The following TMEM132B variants were observed in gnomAD, a reference collection of about 807,000 sequenced individuals.
The protein encoded by TMEM132B is transmembrane protein 132B.
A neutral mutation model predicts 90.8 loss-of-function variants in TMEM132B; 18 were observed. The ratio of observed to expected loss-of-function variants is 0.20; its 90% CI spans 0.14 to 0.29. The LOEUF is 0.29. Ranked by LOEUF, TMEM132B falls within the 10% of genes least tolerant of loss-of-function variation. The pLI is 1.00. For synonymous variants in TMEM132B, 504 were observed against 523.3 expected, an observed-to-expected ratio of 0.96 and a Z score of 0.50; for missense variants, 1,096 against 1,326.8, an observed-to-expected ratio of 0.83 and a Z score of 2.70.
At chr12:125,252,067 A>G (rs896062378) in intron 1 of TMEM132B, among the ~76,000 whole-genome samples, 1 of 152,200 alleles carries the variant, frequency 6.6e-6, no homozygotes, top group South Asian at 2.1e-4. Context: ...TCTAGTATAC[A>G]CTGACACTGG....
intron 4 of TMEM132B, among the ~76,000 whole-genome samples, chr12:125,576,907 T>A (rs922133293): frequency 3.3e-5 from 5 of 151,672 alleles, no homozygotes; most frequent in African/African-American, 1.2e-4. Context: ...GGGGGTGGGG[T>A]TGGCATCTAT....
At chr12:125,581,879 T>C (rs139962511) in intron 4 of TMEM132B, among the ~76,000 whole-genome samples, 196 of 152,292 alleles carry the variant, frequency 1.3e-3, no homozygotes, top group Non-Finnish European at 2.4e-3. Flanking sequence ...CAGTCCTATG[T>C]GCTTTAATAT....
At chr12:125,399,549 A>T (rs1879257098) in intron 2 of TMEM132B, among the ~76,000 whole-genome samples, 1 of 149,412 alleles carries the variant, frequency 6.7e-6, no homozygotes. Flanking sequence ...AGAGGCATGG[A>T]ATGGATTATC....
chr12:125,262,812 A>T (rs1874598875), intron 1 of TMEM132B, among the ~76,000 whole-genome samples: 1 of 152,150 alleles, frequency 6.6e-6, no homozygotes, highest in African/African-American at 2.4e-5. Flanking sequence ...GCCTCTGTTC[A>T]TTTACTGTTG....
At chr12:125,370,208 T>C (rs1293046871) in intron 2 of TMEM132B, among the ~76,000 whole-genome samples, 2 of 152,204 alleles carry the variant, frequency 1.3e-5, no homozygotes, top group Non-Finnish European at 2.9e-5. Context: ...CAGGCATCTA[T>C]TTAAGGAAAG....
chr12:125,518,229 A>G (rs1185820515), intron 3 of TMEM132B, among the ~76,000 whole-genome samples: 1 of 152,130 alleles, frequency 6.6e-6, no homozygotes, highest in Non-Finnish European at 1.5e-5. Flanking sequence ...TTTCCCCACC[A>G]CTGTTCTTGT....
chr12:125,531,350 T>A (rs183281148), intron 4 of TMEM132B, among the ~76,000 whole-genome samples: 1 of 152,236 alleles, frequency 6.6e-6, no homozygotes, highest in Admixed American at 6.5e-5. Context: ...AACACCCGGC[T>A]GATTTTTATT....
intron 2 of TMEM132B, among the ~76,000 whole-genome samples, chr12:125,370,163 G>T (rs1878250715): frequency 6.6e-6 from 1 of 152,152 alleles, no homozygotes. Flanking sequence ...GGCTGCATGT[G>T]GTAGGAACCC....
chr12:125,491,575 T>C (rs1428067319), intron 3 of TMEM132B, among the ~76,000 whole-genome samples: 1 of 152,242 alleles, frequency 6.6e-6, no homozygotes, highest in East Asian at 1.9e-4. Flanking sequence ...TTCAAATTAC[T>C]TCTGCAAGAG....
chr12:125,631,271 T>C (rs1245496793), intron 5 of TMEM132B, among the ~76,000 whole-genome samples: 1 of 152,162 alleles, frequency 6.6e-6, no homozygotes, highest in African/African-American at 2.4e-5. Flanking sequence ...GCATGTTGTT[T>C]AATTTCCATG....
intron 1 of TMEM132B, among the ~76,000 whole-genome samples, chr12:125,347,991 C>T (rs1036222502): frequency 3.3e-5 from 5 of 152,172 alleles, no homozygotes; most frequent in Admixed American, 6.5e-5. Flanking sequence ...CAAAAACTTT[C>T]GCCTTTGGGT....
chr12:125,430,257 T>A (rs1370304203), intron 3 of TMEM132B, among the ~76,000 whole-genome samples: 1 of 152,224 alleles, frequency 6.6e-6, no homozygotes, highest in Non-Finnish European at 1.5e-5. Context: ...TGTGGGGTTG[T>A]CGGGTGAGCG....
At chr12:125,618,093 T>A (rs1456519676) in intron 5 of TMEM132B, among the ~76,000 whole-genome samples, 2 of 152,122 alleles carry the variant, frequency 1.3e-5, no homozygotes. Context: ...TCTTCCTTCT[T>A]AAAAATCTGA....
chr12:125,197,504 C>T (rs1872951743), intron 1 of TMEM132B, among the ~76,000 whole-genome samples: 1 of 152,146 alleles, frequency 6.6e-6, no homozygotes, highest in Non-Finnish European at 1.5e-5. Context: ...CAAATTTGGC[C>T]CTCTACTTGT....
intron 1 of TMEM132B, among the ~76,000 whole-genome samples, chr12:125,291,920 T>C (rs960257338): frequency 3.3e-5 from 5 of 152,244 alleles, no homozygotes; most frequent in African/African-American, 9.6e-5. Context: ...CTGTCTGTAT[T>C]AAAATTCACA....
chr12:125,457,653 A>T lies in TMEM132B; in HGVS notation c.1106+41976A>T, dbSNP rs1881329309. ...AATAGTTGATTTGGCTGGTGACAGG[A>T]TCCTACAGGTGACGGTGAAGCTGCC... On this transcript the variant is annotated intron_variant, in intron 3 of 8. Coordinates refer to ENST00000682704, the MANE Select transcript of TMEM132B (RefSeq NM_001366854.1). 2.0e-5 allele frequency among the ~76,000 whole-genome samples: 3 copies of T among 152,170 alleles called. No homozygotes were observed. In the South Asian group the frequency reaches 6.2e-4, roughly 31 times the overall value.
rs1434317985 is a variant in TMEM132B at position 125,656,626 on chromosome 12, G to A, written c.*1916G>A. ...TTGATGGGATAAGGAAGCAAGGAGA[G>A]CCAGGCATTAGCTGCAAAAGGAGCT... On this transcript the variant is annotated 3_prime_UTR_variant, in exon 9 of 9. Coordinates refer to ENST00000682704, the MANE Select transcript of TMEM132B (RefSeq NM_001366854.1). The A allele has an allele frequency of 6.6e-6, 1 of 152,190 alleles. No homozygotes were observed. The highest frequency in any genetic ancestry group is 1.5e-5 in the Non-Finnish European group (1 of 68,034). The allele number at this position is 152,190 out of a possible 1,614,324, so 9.4% of individuals were successfully genotyped here.
intron 5 of TMEM132B, chr12:125,586,785 A>T (rs1303148004): frequency 6.6e-6 from 1 of 152,240 alleles, no homozygotes; most frequent in East Asian, 1.9e-4. Context: ...GATGCTGGCA[A>T]TTCGGCTAGA....
chr12:125,417,744 G>A (rs1313301745), intron 3 of TMEM132B, among the ~76,000 whole-genome samples: 1 of 152,176 alleles, frequency 6.6e-6, no homozygotes, highest in Non-Finnish European at 1.5e-5. Flanking sequence ...ATGACTGCTA[G>A]CAGCTCCCAG....
Sources: allele counts gnomAD v4.1 joint callset (sites outside exome capture counted in the v4.1 genomes callset), GRCh38; gene constraint gnomAD v4.1.1; transcripts MANE v1.5; gene names NCBI Gene and HGNC (gene_info 2026-07-23, HGNC 2026-07-21).